RALGAPA2: variants seen among roughly 807,000 people sequenced by gnomAD.
The protein encoded by RALGAPA2 is ral GTPase-activating protein subunit alpha-2.
A neutral mutation model predicts 230.4 loss-of-function variants in RALGAPA2; 139 were observed. The ratio of observed to expected loss-of-function variants is 0.60; its 90% confidence interval spans 0.53 to 0.69. The LOEUF is 0.69. Ranked by LOEUF, RALGAPA2 falls within the 30% of genes least tolerant of loss-of-function variation. RALGAPA2 has a pLI of 0.00. For synonymous variants in RALGAPA2, 847 were observed against 837.8 expected, an observed-to-expected ratio of 1.01 and a Z score of -0.19; for missense variants, 2,163 against 2,276.0, an observed-to-expected ratio of 0.95 and a Z score of 1.01.
intron 9 of RALGAPA2, among the ~76,000 whole-genome samples, chr20:20,633,380 C>T (rs568126693): frequency 7.9e-5 from 12 of 152,294 alleles, no homozygotes; most frequent in African/African-American, 2.9e-4. Flanking sequence ...AGTGATCTGC[C>T]TGTCTTGGCC....
chr20:20,642,749 T>G (rs1040448580), intron 5 of RALGAPA2, among the ~76,000 whole-genome samples: 1 of 151,914 alleles, frequency 6.6e-6, no homozygotes, highest in Non-Finnish European at 1.5e-5. Flanking sequence ...ACTCACTTCG[T>G]TTTTTTTCAA....
intron 26 of RALGAPA2, 25 bp from the exon 27 acceptor site, chr20:20,531,820 G>C: frequency 4.0e-6 from 6 of 1,508,714 alleles, no homozygotes; most frequent in Non-Finnish European, 5.4e-6. Flanking sequence ...GAAAACAGAG[G>C]AAAACTCTCA....
intron 33 of RALGAPA2, 139 bp from the exon 34 acceptor site, chr20:20,505,673 G>C (rs1367659627): frequency 1.1e-5 from 8 of 696,578 alleles, no homozygotes; most frequent in African/African-American, 1.8e-5. Flanking sequence ...AGTGTTCTGA[G>C]ATGGTCTGAC....
intron 37 of RALGAPA2, among the ~76,000 whole-genome samples, chr20:20,456,315 T>G (rs960841123): frequency 6.6e-6 from 1 of 152,234 alleles, no homozygotes; most frequent in Non-Finnish European, 1.5e-5. Flanking sequence ...ACACATAGCT[T>G]TACCTTTAAG....
intron 15 of RALGAPA2, among the ~76,000 whole-genome samples, chr20:20,602,966 T>C (rs1207360239): frequency 6.6e-6 from 1 of 152,156 alleles, no homozygotes; most frequent in African/African-American, 2.4e-5. Context: ...AGTTCTCTTC[T>C]GGGCTGAGAA....
chr20:20,619,256 A>G lies in RALGAPA2; in HGVS notation c.1539+21T>C, dbSNP rs1246264560. 2.5e-6 allele frequency: 4 copies of G among 1,579,528 alleles called. No homozygotes were observed. In the South Asian group the frequency reaches 3.5e-5, roughly 14 times the overall value. On this transcript the variant is annotated intron_variant, in intron 12 of 39. Transcript: ENST00000202677. ...AGCTGTAGGCGGTGGAGGGGTCTTC[A>G]TGTCCTGGCCAGCCACATACCTGCA...
At chr20:20,491,829 AT>A (rs879657676) in intron 36 of RALGAPA2, among the ~76,000 whole-genome samples, 155 of 147,314 alleles carry the variant, frequency 1.1e-3, no homozygotes, top group South Asian at 2.1e-3. Flanking sequence ...AAGCACACTG[AT>A]TTTTTTTTTT....
At chr20:20,581,898 T>C (rs984430431) in intron 20 of RALGAPA2, among the ~76,000 whole-genome samples, 1 of 152,196 alleles carries the variant, frequency 6.6e-6, no homozygotes, top group Non-Finnish European at 1.5e-5. Context: ...TTTTTTGGCA[T>C]TTTAATAACA....
Position 20,605,203 on chromosome 20 carries a change from T to C in RALGAPA2, c.2010A>G (p.Glu670=). Residue 670 remains glutamate (E), a synonymous_variant, in exon 15 of 40, where the codon GAA becomes GAG. Coordinates refer to ENST00000202677, the MANE Select transcript of RALGAPA2 (RefSeq NM_020343.4). ...TGCCTCGTTGCTTCTTTTCCTTTTG[T>C]TCACTTAATTTATCCAGAGGTAGGT... is the stretch of plus-strand genomic sequence containing the variant. ...MTNLPLDKLS[E]QKEKKQRGKG... 5 of 1,612,722 alleles carry C rather than the reference T, an allele frequency of 3.1e-6. No individual in the cohort carries two copies. The highest frequency in any genetic ancestry group is 3.4e-6 in the Non-Finnish European group (4 of 1,179,064).
At chr20:20,677,881 C>T (rs1322318604) in intron 2 of RALGAPA2, among the ~76,000 whole-genome samples, 1 of 151,720 alleles carries the variant, frequency 6.6e-6, no homozygotes, top group African/African-American at 2.4e-5. Flanking sequence ...CTCCTGACCT[C>T]GTGATCTGCC....
chr20:20,608,388 T>G (rs1401956718), intron 14 of RALGAPA2, among the ~76,000 whole-genome samples: 2 of 152,052 alleles, frequency 1.3e-5, no homozygotes, highest in Non-Finnish European at 2.9e-5. Flanking sequence ...AAACATCACT[T>G]AAGGCAATAA....
intron 14 of RALGAPA2, among the ~76,000 whole-genome samples, chr20:20,607,842 A>T (rs759753463): frequency 6.6e-6 from 1 of 152,230 alleles, no homozygotes; most frequent in Non-Finnish European, 1.5e-5. Flanking sequence ...TATTACAAAC[A>T]TGTATGCAGA....
At chr20:20,463,654 G>A (rs1230286237) in intron 37 of RALGAPA2, among the ~76,000 whole-genome samples, 1 of 152,020 alleles carries the variant, frequency 6.6e-6, no homozygotes, top group Non-Finnish European at 1.5e-5. Context: ...TTATAATCTT[G>A]TTTGCCTACT....
chr20:20,546,753 C>A lies in RALGAPA2; in HGVS notation c.3236G>T (p.Gly1079Val). Residue 1079 changes from glycine (G) to valine (V), a missense_variant, in exon 24 of 40, where the codon GGG becomes GTG. Physicochemically the swap from Gly to Val is moderately radical, Grantham distance 109. Coordinates refer to ENST00000202677, the MANE Select transcript of RALGAPA2 (RefSeq NM_020343.4). ...CCTGGCAGCGGCCGTGATGAAGTCC[C>A]CCACCAGCATTGAGAAGCCAGGAAA... is the stretch of plus-strand genomic sequence containing the variant. ...LGFPGFSMLV[G>V]DFITAAARVL... 6.2e-7 allele frequency: 1 copy of A among 1,612,080 alleles called. No individual in the cohort carries two copies.
At chr20:20,547,468 T>C (rs572161599) in intron 23 of RALGAPA2, among the ~76,000 whole-genome samples, 1 of 152,344 alleles carries the variant, frequency 6.6e-6, no homozygotes, top group Admixed American at 6.5e-5. Context: ...CCAGACATCT[T>C]GTGTTCCTGT....
chr20:20,452,110 G>A (rs1316666305), intron 37 of RALGAPA2, among the ~76,000 whole-genome samples: 2 of 152,136 alleles, frequency 1.3e-5, no homozygotes, highest in Non-Finnish European at 2.9e-5. Context: ...AAACTGTTTT[G>A]ACTCTTCCAA....
At chr20:20,531,846 T>TGAGAAAGTATATTAAG in intron 26 of RALGAPA2, 51 bp from the exon 27 acceptor site, 1 of 1,320,966 alleles carries the variant, frequency 7.6e-7, no homozygotes, top group Non-Finnish European at 1.1e-6. Flanking sequence ...CTTAATATAC[T>TGAGAAAGTATATTAAG]TTCTCAGTAT....
At chr20:20,460,590 C>A (rs1165588661) in intron 37 of RALGAPA2, among the ~76,000 whole-genome samples, 1 of 152,286 alleles carries the variant, frequency 6.6e-6, no homozygotes, top group East Asian at 1.9e-4. Context: ...GTCAGTTACA[C>A]GGCCCAACAT....
At chr20:20,630,117 A>G (rs2066622000) in intron 9 of RALGAPA2, among the ~76,000 whole-genome samples, 1 of 152,236 alleles carries the variant, frequency 6.6e-6, no homozygotes, top group African/African-American at 2.4e-5. Context: ...CTTTATCCTC[A>G]GAATCTTAGG....
Sources: allele counts gnomAD v4.1 joint callset (sites outside exome capture counted in the v4.1 genomes callset), GRCh38; gene constraint gnomAD v4.1.1; transcripts MANE v1.5; gene names NCBI Gene and HGNC (gene_info 2026-07-23, HGNC 2026-07-21).